The following SH3KBP1 variants were observed in gnomAD, a reference collection of about 807,000 sequenced individuals.
SH3KBP1 encodes SH3 domain containing kinase binding protein 1.
In SH3KBP1, 8 loss-of-function variants were observed where a neutral mutation model predicts 50.1. The observed-to-expected ratio is 0.16, with a 90% CI of 0.09 to 0.29. The LOEUF (loss-of-function observed/expected upper bound fraction) is 0.29. SH3KBP1 is among the 10% of genes least tolerant of loss of function. SH3KBP1 has a pLI of 1.00. For synonymous variants in SH3KBP1, 227 were observed against 218.6 expected, an observed-to-expected ratio of 1.04 and a Z score of -0.34; for missense variants, 377 against 535.2, an observed-to-expected ratio of 0.70 and a Z score of 2.92.
intron 3 of SH3KBP1, among the ~76,000 whole-genome samples, chrX:19,745,342 G>C (rs780006301): frequency 1.8e-5 from 2 of 112,472 alleles, no homozygotes; most frequent in African/African-American, 6.5e-5. Flanking sequence ...GGAGGCAGTA[G>C]AGGAAGAGAC....
At position 19,608,455 on chromosome X, in the gene SH3KBP1, G is replaced by A. The variant is rs749616518; in HGVS notation, c.898-410C>T. Among the ~76,000 whole-genome samples, 12 of 108,877 alleles carry A rather than the reference G, an allele frequency of 1.1e-4. No homozygotes were observed. The East Asian group carries it at 2.6e-3, about 24-fold the overall frequency. The allele number at this position is 108,877 out of a possible 115,157, so 94.5% of individuals were successfully genotyped here. On this transcript the variant is annotated intron_variant, in intron 8 of 17. Coordinates refer to ENST00000397821, the MANE Select transcript of SH3KBP1 (RefSeq NM_031892.3). ...TCCCAGCAGCTGGGATTACAGGCAC[G>A]TGCCACAATGCCTGGCTAATTTTTG...
chrX:19,837,251 A>C (rs1161558767), intron 1 of SH3KBP1, among the ~76,000 whole-genome samples: 3 of 111,750 alleles, frequency 2.7e-5, no homozygotes, highest in Non-Finnish European at 5.6e-5. Flanking sequence ...CTTACGCATC[A>C]ATTCCATGTT....
At chrX:19,723,693 C>A (rs1236536462) in intron 3 of SH3KBP1, among the ~76,000 whole-genome samples, 1 of 112,101 alleles carries the variant, frequency 8.9e-6, no homozygotes, top group Non-Finnish European at 1.9e-5. Flanking sequence ...ATTTTTTACA[C>A]TAAACATGTA....
intron 2 of SH3KBP1, among the ~76,000 whole-genome samples, chrX:19,765,467 A>G: frequency 9.0e-6 from 1 of 110,971 alleles, no homozygotes; most frequent in South Asian, 3.8e-4. Context: ...GCAGTATAGC[A>G]TCTTCAATGC....
At chrX:19,874,492 G>A (rs1203708934) in intron 1 of SH3KBP1, among the ~76,000 whole-genome samples, 2 of 89,405 alleles carry the variant, frequency 2.2e-5, no homozygotes, top group African/African-American at 8.5e-5. Flanking sequence ...AGAGGCAGGA[G>A]GGGGAAGAAG....
At chrX:19,579,426 A>T (rs115622813) in intron 12 of SH3KBP1, among the ~76,000 whole-genome samples, 1,146 of 112,333 alleles carry the variant, frequency 0.01, 19 homozygotes, top group African/African-American at 0.034. Context: ...ACGAGAATTC[A>T]TCATCATGTG....
At chrX:19,731,101 G>A (rs1356100065) in intron 3 of SH3KBP1, among the ~76,000 whole-genome samples, 2 of 110,419 alleles carry the variant, frequency 1.8e-5, no homozygotes, top group Non-Finnish European at 1.9e-5. Context: ...CACCACGCCC[G>A]GCTAATTTTG....
rs146125311 is a variant in SH3KBP1, at chrX:19,616,440, A to G, written c.898-8395T>C. The stretch of plus-strand genomic sequence containing the variant: ...GAAACTGGGTGGATAACACACAAAA[A>G]AACAGTAAACACATTTCCTCTTGGG... On this transcript the variant is annotated intron_variant, in intron 8 of 17. Transcript: ENST00000397821. Among the ~76,000 whole-genome samples, 455 of 112,266 alleles carry G rather than the reference A, an allele frequency of 4.1e-3. 3 individuals are homozygous for G. The highest frequency in any genetic ancestry group is 0.014 in the African/African-American group (440 of 30,908).
intron 2 of SH3KBP1, among the ~76,000 whole-genome samples, chrX:19,834,055 C>T (rs748976459): frequency 8.9e-6 from 1 of 111,760 alleles, no homozygotes; most frequent in African/African-American, 3.3e-5. Context: ...ATGTTCCCTA[C>T]AAAACTCTCC....
At chrX:19,616,123 G>C (rs1464653731) in intron 8 of SH3KBP1, among the ~76,000 whole-genome samples, 1 of 110,803 alleles carries the variant, frequency 9.0e-6, no homozygotes, top group Non-Finnish European at 1.9e-5. Flanking sequence ...CATCATGCAT[G>C]GCTAATTTTT....
At position 19,656,153 on chromosome X, in the gene SH3KBP1, T is replaced by C. The variant is rs150836908; in HGVS notation, c.727-10678A>G. 3.6e-4 allele frequency among the ~76,000 whole-genome samples: 40 copies of C among 111,351 alleles called. No individual in the cohort carries two copies. In the East Asian group the frequency reaches 0.011, roughly 32 times the overall value. ...AGTTGAAGGGAGGTGACTGGAGAGC[T>C]GCTTGGGCTCAAAAGGCCAGCAAGG... is the stretch of plus-strand genomic sequence containing the variant. On this transcript the variant is annotated intron_variant, in intron 6 of 17. Transcript: ENST00000397821.
intron 1 of SH3KBP1, among the ~76,000 whole-genome samples, chrX:19,856,714 C>T (rs1324625889): frequency 9.0e-6 from 1 of 110,913 alleles, no homozygotes; most frequent in Non-Finnish European, 1.9e-5. Flanking sequence ...TCAAAAGGAA[C>T]CAACCCCACC....
chrX:19,719,123 T>C (rs766643244), intron 3 of SH3KBP1, among the ~76,000 whole-genome samples: 1 of 112,114 alleles, frequency 8.9e-6, no homozygotes, highest in African/African-American at 3.2e-5. Context: ...CCTCCTTCCA[T>C]TGTGTTTTTG....
intron 2 of SH3KBP1, among the ~76,000 whole-genome samples, chrX:19,797,890 AACACACACACACACAC>A (rs60418789): frequency 1.4e-4 from 14 of 97,392 alleles, no homozygotes; most frequent in Non-Finnish European, 4.2e-5. Flanking sequence ...AAGTGCCCTA[AACACACACACACACAC>A]ACACACACAC....
chrX:19,782,363 G>C (rs1275410368), intron 2 of SH3KBP1, among the ~76,000 whole-genome samples: 1 of 111,576 alleles, frequency 9.0e-6, no homozygotes, highest in African/African-American at 3.3e-5. Flanking sequence ...AGAAATCAGA[G>C]AGAATAAATT....
chrX:19,550,586 G>C (rs1425464995), intron 13 of SH3KBP1, among the ~76,000 whole-genome samples: 4 of 111,482 alleles, frequency 3.6e-5, no homozygotes, highest in Admixed American at 9.5e-5. Flanking sequence ...AGTCCAATTT[G>C]AGTTACTGAG....
intron 1 of SH3KBP1, among the ~76,000 whole-genome samples, chrX:19,840,556 G>A (rs1447302623): frequency 1.8e-5 from 2 of 112,140 alleles, no homozygotes; most frequent in African/African-American, 6.5e-5. Flanking sequence ...TGGCAAACAG[G>A]TGGTGAAGAT....
chrX:19,688,047 T>C (rs961758953), intron 5 of SH3KBP1, among the ~76,000 whole-genome samples: 4 of 112,361 alleles, frequency 3.6e-5, no homozygotes, highest in East Asian at 2.8e-4. Flanking sequence ...ATCCAATCAA[T>C]TGGACTCCTT....
rs199547813 is a variant in SH3KBP1 at position 19,621,050 on chromosome X, T to TGC, written c.897+10812_897+10813dup. Among the ~76,000 whole-genome samples the TGC allele has an allele frequency of 2.3e-4, 23 of 102,142 alleles. No individual in the cohort carries two copies. In the East Asian group the frequency reaches 5.8e-3, roughly 26 times the overall value. The allele number at this position is 102,142 out of a possible 115,157, so 88.7% of individuals were successfully genotyped here. Reference sequence around the variant, plus strand: ...TTTTCTGCCTATGGGTGTCCAATTGTGCCAATACCATTTCTTTTCTTTCTT... The same window carrying TGC: ...TTTTCTGCCTATGGGTGTCCAATTGTGCGCCAATACCATTTCTTTTCTTTCTT... On this transcript the variant is annotated intron_variant, in intron 8 of 17. Transcript: ENST00000397821.
Sources: gnomAD v4.1 joint callset for allele counts (sites outside exome capture counted in the v4.1 genomes callset) on GRCh38, gnomAD v4.1.1 for gene constraint, MANE v1.5 for transcripts, NCBI Gene and HGNC (gene_info 2026-07-23, HGNC 2026-07-21) for gene names.